DCDC1: variants seen among roughly 807,000 people sequenced by gnomAD.
DCDC1 encodes the protein doublecortin domain-containing protein 1.
A neutral mutation model predicts 178.3 loss-of-function variants in DCDC1; 200 were observed. The ratio of observed to expected loss-of-function variants is 1.12; its 90% CI spans 1.00 to 1.26. The LOEUF (loss-of-function observed/expected upper bound fraction) is 1.26. DCDC1 is among the 50% of genes most tolerant of loss of function. The probability of loss-of-function intolerance (pLI) is 0.00; values close to 1 mark genes in which losing one functional copy is unlikely to be tolerated. For synonymous variants in DCDC1, 690 were observed against 604.8 expected (o/e 1.14, Z -2.07); for missense variants, 1,983 against 1,749.2 (o/e 1.13, Z -2.38).
At chr11:30,991,597 C>T (rs982670134) in intron 20 of DCDC1, among the ~76,000 whole-genome samples, 2 of 152,110 alleles carry the variant, frequency 1.3e-5, no homozygotes, top group Non-Finnish European at 2.9e-5. Flanking sequence ...TGTGGTTACT[C>T]TAAACGTAAC....
intron 9 of DCDC1, among the ~76,000 whole-genome samples, chr11:31,177,317 GA>G (rs916849557): frequency 2.0e-5 from 3 of 149,686 alleles, no homozygotes; most frequent in East Asian, 2.0e-4. Flanking sequence ...AAAGTAGGGG[GA>G]AAAAAAAGCT....
intron 7 of DCDC1, among the ~76,000 whole-genome samples, chr11:31,288,944 A>T (rs1947028222): frequency 6.6e-6 from 1 of 151,888 alleles, no homozygotes; most frequent in South Asian, 2.1e-4. Flanking sequence ...CTTAAATGTG[A>T]TACTGAGGCA....
intron 20 of DCDC1, among the ~76,000 whole-genome samples, chr11:30,995,171 A>G (rs1317131922): frequency 6.6e-6 from 1 of 152,146 alleles, no homozygotes; most frequent in African/African-American, 2.4e-5. Context: ...TACACAAAAT[A>G]TTAAGATAAA....
At chr11:31,299,969 T>C (rs1022195133) in intron 6 of DCDC1, among the ~76,000 whole-genome samples, 1 of 152,204 alleles carries the variant, frequency 6.6e-6, no homozygotes, top group African/African-American at 2.4e-5. Flanking sequence ...GCAATTCTCC[T>C]GCCTCAGCCT....
At chr11:31,238,695 G>T (rs918405550) in intron 9 of DCDC1, among the ~76,000 whole-genome samples, 1 of 152,056 alleles carries the variant, frequency 6.6e-6, no homozygotes, top group South Asian at 2.1e-4. Flanking sequence ...ATAGGAATGC[G>T]TTTATGCAAT....
chr11:31,301,824 T>C (rs1206893594), intron 6 of DCDC1, among the ~76,000 whole-genome samples: 2 of 152,314 alleles, frequency 1.3e-5, no homozygotes, highest in African/African-American at 2.4e-5. Flanking sequence ...CAAGCTGTCA[T>C]AGCAAATTAT....
chr11:31,365,542 T>G (rs1951915156), intron 1 of DCDC1, among the ~76,000 whole-genome samples: 1 of 152,152 alleles, frequency 6.6e-6, no homozygotes, highest in African/African-American at 2.4e-5. Flanking sequence ...TAGATATAGA[T>G]TTCCATTATT....
chr11:31,153,990 G>A (rs1339935563), intron 9 of DCDC1, among the ~76,000 whole-genome samples: 1 of 152,116 alleles, frequency 6.6e-6, no homozygotes. Flanking sequence ...CAGTGTTGGG[G>A]GAGGGACCTG....
chr11:31,238,111 T>C (rs1976670022), intron 9 of DCDC1, among the ~76,000 whole-genome samples: 1 of 152,028 alleles, frequency 6.6e-6, no homozygotes, highest in South Asian at 2.1e-4. Context: ...AAAAGTACTA[T>C]GCATTCTTAT....
At chr11:31,162,211 A>G (rs1025189700) in intron 9 of DCDC1, among the ~76,000 whole-genome samples, 3 of 152,164 alleles carry the variant, frequency 2.0e-5, no homozygotes, top group African/African-American at 4.8e-5. Flanking sequence ...ACAATGTTCT[A>G]TTTGCATTCA....
chr11:31,151,953 T>C (rs375598397), intron 9 of DCDC1, among the ~76,000 whole-genome samples: 6 of 152,322 alleles, frequency 3.9e-5, no homozygotes, highest in African/African-American at 1.2e-4. Flanking sequence ...AAATTTTAAA[T>C]GTTCTCACCA....
Position 30,935,965 on chromosome 11 carries a change from G to C in DCDC1, c.2716-4013C>G, listed in dbSNP as rs74752957. On this transcript the variant is annotated intron_variant, in intron 21 of 38. Transcript: ENST00000684477. ...GTCTCTTTTACCAGTCCCTTGACTG[G>C]AGTATAGTGAGTCCACCACATTCAG... Among the ~76,000 whole-genome samples the C allele has an allele frequency of 2.1e-4, 32 of 152,238 alleles. No homozygotes were observed. The East Asian group carries it at 6.2e-3, about 29-fold the overall frequency.
At chr11:30,977,410 C>T (rs1358885198) in intron 20 of DCDC1, among the ~76,000 whole-genome samples, 1 of 152,182 alleles carries the variant, frequency 6.6e-6, no homozygotes, top group Non-Finnish European at 1.5e-5. Context: ...ATTACACATT[C>T]ATGCTTGTAA....
At chr11:31,157,386 T>C (rs190431316) in intron 9 of DCDC1, among the ~76,000 whole-genome samples, 1,720 of 142,618 alleles carry the variant, frequency 0.012, 43 homozygotes, top group African/African-American at 0.04. Flanking sequence ...TATATATATA[T>C]ACATATATAT....
At chr11:30,964,642 T>A (rs1024630852) in intron 20 of DCDC1, among the ~76,000 whole-genome samples, 1 of 152,188 alleles carries the variant, frequency 6.6e-6, no homozygotes, top group Admixed American at 6.6e-5. Context: ...TGTTTTCTAA[T>A]CATGTTAAGA....
chr11:31,366,243 A>C (rs1018378745), intron 1 of DCDC1, among the ~76,000 whole-genome samples: 11 of 152,210 alleles, frequency 7.2e-5, no homozygotes, highest in African/African-American at 2.7e-4. Context: ...AACATAGTTT[A>C]TATTTCCACT....
intron 7 of DCDC1, among the ~76,000 whole-genome samples, chr11:31,278,580 T>A (rs923725336): frequency 6.6e-6 from 1 of 152,070 alleles, no homozygotes; most frequent in Non-Finnish European, 1.5e-5. Context: ...GAGGTATAAG[T>A]TCAAGAGAAT....
At chr11:31,080,293 G>T (rs1226675180) in intron 17 of DCDC1, among the ~76,000 whole-genome samples, 2 of 152,158 alleles carry the variant, frequency 1.3e-5, no homozygotes, top group African/African-American at 4.8e-5. Context: ...ATGAGATGCA[G>T]AGAGATGAAG....
chr11:31,367,919 C>G (rs1952046328), intron 1 of DCDC1, among the ~76,000 whole-genome samples: 1 of 151,702 alleles, frequency 6.6e-6, no homozygotes, highest in Non-Finnish European at 1.5e-5. Flanking sequence ...AAGCCAATGG[C>G]AAGTAAAGAA....
Sources: allele counts gnomAD v4.1 joint callset (sites outside exome capture counted in the v4.1 genomes callset), GRCh38; gene constraint gnomAD v4.1.1; transcripts MANE v1.5; gene names NCBI Gene and HGNC (gene_info 2026-07-23, HGNC 2026-07-21).